Variants in KIAA1217 observed in about 807,000 individuals in gnomAD.
KIAA1217 encodes the protein KIAA1217.
KIAA1217 carries 88 observed loss-of-function variants against 163.9 expected under a neutral mutation model. The observed-to-expected ratio is 0.54, with a 90% CI of 0.45 to 0.64. KIAA1217 has a LOEUF of 0.64. Among genes scored for constraint, KIAA1217 ranks in the 30% least tolerant of loss-of-function variants. The pLI, the probability that KIAA1217 is intolerant of heterozygous loss-of-function variation, is 0.00. For synonymous variants in KIAA1217, 903 were observed against 923.1 expected (o/e 0.98, Z 0.39); for missense variants, 2,372 against 2,475.0 (o/e 0.96, Z 0.88).
At chr10:23,856,540 A>T (rs971478168) in intron 1 of KIAA1217, among the ~76,000 whole-genome samples, 2 of 152,202 alleles carry the variant, frequency 1.3e-5, no homozygotes, top group Non-Finnish European at 2.9e-5. Flanking sequence ...TGCTCTCTTC[A>T]AAGCTGTCAG....
At chr10:23,841,557 A>T (rs745551619) in intron 1 of KIAA1217, among the ~76,000 whole-genome samples, 1 of 152,110 alleles carries the variant, frequency 6.6e-6, no homozygotes, top group Non-Finnish European at 1.5e-5. Flanking sequence ...AGGCAGATCT[A>T]ACACTCTGTT....
At chr10:24,152,411 A>G (rs916038080) in intron 2 of KIAA1217, among the ~76,000 whole-genome samples, 1 of 152,218 alleles carries the variant, frequency 6.6e-6, no homozygotes, top group African/African-American at 2.4e-5. Flanking sequence ...CCTTTTAAAA[A>G]CCTTTCCGTG....
At chr10:23,982,527 G>T (rs1357110471) in intron 1 of KIAA1217, among the ~76,000 whole-genome samples, 15 of 65,218 alleles carry the variant, frequency 2.3e-4, no homozygotes, top group South Asian at 5.5e-4. Context: ...TCTGTTTTTT[G>T]TTTCTCTCTC....
chr10:24,038,125 T>C (rs551894237), intron 2 of KIAA1217, among the ~76,000 whole-genome samples: 1 of 152,296 alleles, frequency 6.6e-6, no homozygotes, highest in East Asian at 1.9e-4. Context: ...TCTGTCAACT[T>C]TCTATTCTTT....
upstream of KIAA1217, among the ~76,000 whole-genome samples, chr10:24,207,709 G>A (rs1418916776): frequency 6.6e-6 from 1 of 152,160 alleles, no homozygotes; most frequent in Non-Finnish European, 1.5e-5. Flanking sequence ...TAAGAATTGA[G>A]GGGCTCTCTT....
At chr10:24,049,648 T>A (rs192427810) in intron 2 of KIAA1217, among the ~76,000 whole-genome samples, 1 of 152,210 alleles carries the variant, frequency 6.6e-6, no homozygotes, top group African/African-American at 2.4e-5. Flanking sequence ...CATCCTTTTT[T>A]ATGGCTGCAT....
intron 1 of KIAA1217, among the ~76,000 whole-genome samples, chr10:23,860,911 A>AT (rs1839922271): frequency 7.9e-6 from 1 of 127,032 alleles, no homozygotes; most frequent in Non-Finnish European, 1.7e-5. Context: ...TCTTTCTTTT[A>AT]TTTTTTTCTT....
chr10:24,504,495 A>C (rs549707091), intron 9 of KIAA1217, among the ~76,000 whole-genome samples: 55 of 152,230 alleles, frequency 3.6e-4, no homozygotes, highest in Admixed American at 9.8e-4. Flanking sequence ...AGAATAATTA[A>C]GCTATCTCGG....
chr10:24,230,414 A>T (rs2071212295), intron 2 of KIAA1217, among the ~76,000 whole-genome samples: 1 of 151,298 alleles, frequency 6.6e-6, no homozygotes, highest in African/African-American at 2.4e-5. Context: ...AGCTTTTCAG[A>T]TATTGAATTT....
rs1315048926 is a variant in KIAA1217, at chr10:23,790,501, GCATATATACATATGTATATATA to G, written c.-321+95281_-321+95302del. Among the ~76,000 whole-genome samples, 30 of 85,200 alleles carry G rather than the reference GCATATATACATATGTATATATA, an allele frequency of 3.5e-4. 1 individual carries two copies. The highest frequency in any genetic ancestry group is 2.4e-3 in the East Asian group (9 of 3,824). The allele number at this position is 85,200 out of a possible 152,430, so 55.9% of individuals were successfully genotyped here. On this transcript the variant is annotated intron_variant, in intron 1 of 18. Coordinates refer to the KIAA1217 transcript ENST00000376462. ...TGTGCATATATACATATATACATGT[GCATATATACATATGTATATATA>G]CATATATACATATACATGTGCATAT... is the stretch of plus-strand genomic sequence containing the variant.
intron 2 of KIAA1217, among the ~76,000 whole-genome samples, chr10:24,134,158 A>T (rs16924327): frequency 0.014 from 2,151 of 152,302 alleles, 47 homozygotes; most frequent in African/African-American, 0.049. Context: ...ATGGAGATGA[A>T]GGTGTATGCA....
At chr10:23,698,142 C>G (rs1002900707) in intron 1 of KIAA1217, among the ~76,000 whole-genome samples, 4 of 152,106 alleles carry the variant, frequency 2.6e-5, no homozygotes, top group African/African-American at 9.7e-5. Flanking sequence ...TGATGTAGAG[C>G]ATTGCTTTGT....
intron 2 of KIAA1217, among the ~76,000 whole-genome samples, chr10:24,182,587 G>A (rs936863752): frequency 6.6e-6 from 1 of 152,066 alleles, no homozygotes; most frequent in Admixed American, 6.6e-5. Context: ...TATTTATGTT[G>A]GTCCTTTGGT....
intron 2 of KIAA1217, among the ~76,000 whole-genome samples, chr10:24,033,228 A>G (rs1305560224): frequency 6.6e-6 from 1 of 152,238 alleles, no homozygotes; most frequent in Non-Finnish European, 1.5e-5. Context: ...TAGAAATTAG[A>G]GCTGTTAAAT....
At chr10:24,373,764 TG>T (rs554675465) in intron 2 of KIAA1217, among the ~76,000 whole-genome samples, 12 of 152,260 alleles carry the variant, frequency 7.9e-5, no homozygotes, top group African/African-American at 2.9e-4. Context: ...ATGGTGACAA[TG>T]GGTTGGCAGA....
intron 1 of KIAA1217, among the ~76,000 whole-genome samples, chr10:23,983,515 C>G (rs1845852761): frequency 6.6e-6 from 1 of 152,134 alleles, no homozygotes; most frequent in Non-Finnish European, 1.5e-5. Context: ...AGGTGCTACA[C>G]ACTTTTAAAC....
intron 1 of KIAA1217, among the ~76,000 whole-genome samples, chr10:23,994,530 C>A (rs1381062604): frequency 6.8e-6 from 1 of 147,758 alleles, no homozygotes; most frequent in African/African-American, 2.7e-5. Flanking sequence ...GACAGAAAGT[C>A]AAGGAGAGTT....
At chr10:23,910,658 A>G (rs1242705077) in intron 1 of KIAA1217, among the ~76,000 whole-genome samples, 1 of 152,200 alleles carries the variant, frequency 6.6e-6, no homozygotes, top group African/African-American at 2.4e-5. Context: ...GTCAAGGAAG[A>G]TGGAGACAGC....
chr10:23,736,131 TATCA>T (rs72296232), intron 1 of KIAA1217, among the ~76,000 whole-genome samples: 30,961 of 152,090 alleles, frequency 0.2, 3,284 homozygotes, highest in Middle Eastern at 0.26. Flanking sequence ...TAGTCAAATG[TATCA>T]ATCATTTATT....
Sources: gnomAD v4.1 joint callset for allele counts (sites outside exome capture counted in the v4.1 genomes callset) on GRCh38, gnomAD v4.1.1 for gene constraint, MANE v1.5 for transcripts, NCBI Gene and HGNC (gene_info 2026-07-23, HGNC 2026-07-21) for gene names.